The following TNRC18 variants were observed in gnomAD, a reference collection of about 807,000 sequenced individuals.
TNRC18 encodes trinucleotide repeat-containing gene 18 protein.
A neutral mutation model predicts 226.7 loss-of-function variants in TNRC18; 69 were observed. The observed-to-expected ratio is 0.30, with a 90% CI of 0.25 to 0.37. The LOEUF (loss-of-function observed/expected upper bound fraction) is 0.37, where lower values mean the gene tolerates loss of function less well. Among genes scored for constraint, TNRC18 ranks in the 10% least tolerant of loss-of-function variants. TNRC18 has a pLI of 1.00. For synonymous variants in TNRC18, 2,449 were observed against 1,927.6 expected (o/e 1.27, Z -7.09); for missense variants, 4,754 against 4,256.6 (o/e 1.12, Z -3.25).
intron 19 of TNRC18, among the ~76,000 whole-genome samples, chr7:5,332,268 C>G (rs1049266782): frequency 5.9e-5 from 9 of 152,102 alleles, no homozygotes; most frequent in Non-Finnish European, 1.2e-4. Context: ...GAGATCCCCT[C>G]TCTACAAACA....
At chr7:5,348,467 C>A (rs1432714928) in intron 17 of TNRC18, among the ~76,000 whole-genome samples, 1 of 152,146 alleles carries the variant, frequency 6.6e-6, no homozygotes. Context: ...CAGTCTCCTG[C>A]CAACGCCCCA....
chr7:5,412,341 C>G (rs540898514), intron 2 of TNRC18, among the ~76,000 whole-genome samples: 1 of 151,720 alleles, frequency 6.6e-6, no homozygotes, highest in Non-Finnish European at 1.5e-5. Flanking sequence ...TTTGGGAGGC[C>G]GAGGTGGGTG....
intron 14 of TNRC18, among the ~76,000 whole-genome samples, chr7:5,360,920 C>T (rs777115552): frequency 6.6e-6 from 1 of 152,178 alleles, no homozygotes; most frequent in Non-Finnish European, 1.5e-5. Context: ...GGTCTTGAGC[C>T]GCCTAGCGTC....
Position 5,374,189 on chromosome 7 carries a change from G to A in TNRC18, c.3095C>T (p.Thr1032Ile), listed in dbSNP as rs1329052789. The A allele has an allele frequency of 3.5e-6, 5 of 1,426,570 alleles. No individual in the cohort carries two copies. The highest frequency in any genetic ancestry group is 4.6e-6 in the Non-Finnish European group (5 of 1,090,790). The allele number at this position is 1,426,570 out of a possible 1,614,324, so 88.4% of individuals were successfully genotyped here. Residue 1032 changes from threonine (T) to isoleucine (I), a missense_variant, in exon 10 of 30, where the codon ACC (threonine) becomes ATC (isoleucine). Physicochemically the swap from Thr to Ile is moderately conservative, Grantham distance 89. Coordinates refer to ENST00000430969, the MANE Select transcript of TNRC18 (RefSeq NM_001080495.3). Reference protein sequence around the residue: ...AYPATPSSHPTSPPPASPPPT... With the variant: ...AYPATPSSHPISPPPASPPPT... ...CGGTGGGGAGGCGGGCGGCGGGCTG[G>A]TGGGGTGGGAGCTGGGGGTGGCGGG...
chr7:5,416,025 T>C lies in TNRC18; in HGVS notation c.187+5035A>G, dbSNP rs191439864. On this transcript the variant is annotated intron_variant, in intron 2 of 29. Coordinates refer to ENST00000430969, the MANE Select transcript of TNRC18 (RefSeq NM_001080495.3). ...GCTACTCGGGGAGGCTGAAGCAGAA[T>C]TGCTTGAACCCAGGAGGTGGAGGTT... Among the ~76,000 whole-genome samples, 357 of 150,094 alleles carry C rather than the reference T, an allele frequency of 2.4e-3. 1 individual carries two copies. Among genetic ancestry groups the C allele is most frequent in the African/African-American group, 8.5e-3 (347 of 40,718 alleles).
intron 14 of TNRC18, among the ~76,000 whole-genome samples, chr7:5,361,379 C>A (rs1304169356): frequency 3.3e-5 from 5 of 152,236 alleles, no homozygotes; most frequent in Non-Finnish European, 1.5e-5. Flanking sequence ...CGGGAAAAAT[C>A]TGTCGCAGGA....
intron 10 of TNRC18, among the ~76,000 whole-genome samples, chr7:5,371,979 C>T (rs1241371477): frequency 6.6e-6 from 1 of 152,210 alleles, no homozygotes; most frequent in Non-Finnish European, 1.5e-5. Context: ...CTCACTGCAA[C>T]CTGCACCTCT....
chr7:5,359,698 C>T (rs890764270), intron 14 of TNRC18, 129 bp from the exon 15 acceptor site: 5 of 966,486 alleles, frequency 5.2e-6, no homozygotes, highest in African/African-American at 1.6e-5. Context: ...GAGTGACGGG[C>T]GTGGGGAGAT....
intron 5 of TNRC18, among the ~76,000 whole-genome samples, chr7:5,384,919 G>A (rs757269050): frequency 6.6e-6 from 1 of 152,240 alleles, no homozygotes; most frequent in Non-Finnish European, 1.5e-5. Flanking sequence ...CGCTCACCAT[G>A]AGCCAGCCCT....
Position 5,324,125 on chromosome 7 carries a change from C to T in TNRC18, c.6442+89G>A. 1.4e-6 allele frequency: 2 copies of T among 1,408,898 alleles called. No homozygotes were observed. The highest frequency in any genetic ancestry group is 1.9e-6 in the Non-Finnish European group (2 of 1,051,910). The allele number at this position is 1,408,898 out of a possible 1,614,324, so 87.3% of individuals were successfully genotyped here. A position where few individuals can be genotyped will look rare whatever the true frequency, so the allele number is the denominator to read the frequency against. On this transcript the variant is annotated intron_variant, in intron 21 of 29. Coordinates refer to ENST00000430969, the MANE Select transcript of TNRC18 (RefSeq NM_001080495.3). This position sits in a 1 kb window ranked among gnomAD's most constrained non-coding sequence, Gnocchi z 4.8. The stretch of plus-strand genomic sequence containing the variant: ...GTTCCCTGCCCCCAGCTAGCCCAGC[C>T]CTTCAGTCTCAAGCCTTGCTCAGAT...
At chr7:5,337,481 C>CA (rs35118676) in intron 18 of TNRC18, among the ~76,000 whole-genome samples, 7,847 of 140,678 alleles carry the variant, frequency 0.056, 397 homozygotes, top group African/African-American at 0.15. Flanking sequence ...GAGACTGTTT[C>CA]AAAAAAAAAA....
At chr7:5,339,808 G>C (rs574121099) in intron 18 of TNRC18, among the ~76,000 whole-genome samples, 3 of 151,424 alleles carry the variant, frequency 2.0e-5, no homozygotes, top group South Asian at 4.2e-4. Flanking sequence ...GACCTCAAGT[G>C]ATCCGCCCAC....
intron 18 of TNRC18, 45 bp downstream of exon 18, chr7:5,345,517 G>GGGGGGGGCCCCCCCCCCCCCCCCCCCCC: frequency 4.8e-5 from 18 of 377,732 alleles, no homozygotes; most frequent in Non-Finnish European, 7.7e-5. Flanking sequence ...AATGGCGTCC[G>GGGGGGGGCCCCCCCCCCCCCCCCCCCCC]CCCCTCCCAC....
At chr7:5,382,887 G>A (rs895523782) in intron 5 of TNRC18, among the ~76,000 whole-genome samples, 13 of 152,024 alleles carry the variant, frequency 8.6e-5, no homozygotes, top group Non-Finnish European at 1.8e-4. Flanking sequence ...CTGGCTCAAC[G>A]GCAACGATTG....
chr7:5,345,978 G>A (rs1324579713), intron 17 of TNRC18, among the ~76,000 whole-genome samples, 168 bp from the exon 18 acceptor site: 1 of 152,148 alleles, frequency 6.6e-6, no homozygotes, highest in African/African-American at 2.4e-5. Context: ...CCCCCCATCC[G>A]ATGGCCCAAT....
chr7:5,385,681 CAA>C (rs1159358451), intron 5 of TNRC18, among the ~76,000 whole-genome samples: 4 of 132,550 alleles, frequency 3.0e-5, no homozygotes, highest in African/African-American at 2.8e-5. Flanking sequence ...AGACTCCATC[CAA>C]AAAAAAAAAG....
rs1412859289 is a variant in TNRC18, at chr7:5,343,417, C to T, written c.5719+2145G>A. 2.0e-5 allele frequency among the ~76,000 whole-genome samples: 3 copies of T among 152,200 alleles called. No individual in the cohort carries two copies. In the East Asian group the frequency reaches 5.8e-4, roughly 29 times the overall value. ...GACTACAGGATAGTGTAAACATATG[C>T]TTTTGGTTTGGTCTTTTATTTTTGA... On this transcript the variant is annotated intron_variant, in intron 18 of 29. Transcript: ENST00000430969.
At chr7:5,403,088 G>C (rs978507313) in intron 2 of TNRC18, among the ~76,000 whole-genome samples, 1 of 151,754 alleles carries the variant, frequency 6.6e-6, no homozygotes, top group Non-Finnish European at 1.5e-5. Context: ...CAAAGCAGAA[G>C]CGTCTGTTAG....
At chr7:5,404,762 C>CTGTGTGTGTGTGTGTGTGTGTG (rs1562627364) in intron 2 of TNRC18, among the ~76,000 whole-genome samples, 1 of 108,918 alleles carries the variant, frequency 9.2e-6, no homozygotes, top group African/African-American at 4.7e-5. Flanking sequence ...TGCACACTTT[C>CTGTGTGTGTGTGTGTGTGTGTG]AGTGTGTGTG....
Sources: gnomAD v4.1 joint callset for allele counts (sites outside exome capture counted in the v4.1 genomes callset) on GRCh38, gnomAD v4.1.1 for gene constraint, Gnocchi (gnomAD v3.1) non-coding constraint, MANE v1.5 for transcripts, NCBI Gene and HGNC (gene_info 2026-07-23, HGNC 2026-07-21) for gene names.